JUND: variants seen among roughly 807,000 people sequenced by gnomAD.
JUND encodes transcription factor JunD.
A neutral mutation model predicts 7.1 loss-of-function variants in JUND; 2 were observed. The observed-to-expected ratio is 0.28, with a 90% confidence interval of 0.11 to 0.88. The LOEUF (loss-of-function observed/expected upper bound fraction) is 0.88, where lower values mean the gene tolerates loss of function less well. Ranked by LOEUF, JUND falls within the 40% of genes least tolerant of loss-of-function variation. The pLI is 0.60. For synonymous variants in JUND, 335 were observed against 263.2 expected (o/e 1.27, Z -2.64); for missense variants, 479 against 519.1 (o/e 0.92, Z 0.75).
Position 18,281,184 on chromosome 19 carries a change from G to T in JUND, c.301C>A (p.Pro101Thr). The T allele has an allele frequency of 6.5e-7, 1 of 1,547,010 alleles. No homozygotes were observed. Among genetic ancestry groups the T allele is most frequent in the East Asian group, 2.5e-5 (1 of 40,282 alleles). Residue 101 changes from proline to threonine, a missense_variant, in exon 1 of 1, where the codon CCC becomes ACC. Physicochemically the swap from Pro to Thr is conservative, Grantham distance 38. This residue lies in a region of JUND where 374 missense variants were observed against 365.4 expected (regional missense o/e 1.02). Coordinates refer to ENST00000252818, the MANE Select transcript of JUND (RefSeq NM_005354.6). ...PDLGLLKLAS[P>T]ELERLIIQSN... ...TGGATGATGAGGCGCTCGAGCTCGG[G>T]GGAGGCCAGCTTCAGCAGCCCCAGG...
At position 18,281,514 on chromosome 19, in the gene JUND, G is replaced by T; in HGVS notation, c.-30C>A. The T allele has an allele frequency of 3.3e-6, 4 of 1,208,806 alleles. No individual in the cohort carries two copies. The highest frequency in any genetic ancestry group is 3.1e-5 in the South Asian group (1 of 32,166). The allele number at this position is 1,208,806 out of a possible 1,614,324, so 74.9% of individuals were successfully genotyped here. On this transcript the variant is annotated 5_prime_UTR_variant, in exon 1 of 1. Coordinates refer to ENST00000252818, the MANE Select transcript of JUND (RefSeq NM_005354.6). ...CGCCTCCCCCGCCGCGCCGGCCCGG[G>T]GGGGAGTGGCCGCGGCCTCCCGGGG...
chr19:18,280,589 T>C lies in JUND; in HGVS notation c.896A>G (p.Lys299Arg). The C allele has an allele frequency of 1.2e-6, 2 of 1,613,002 alleles. No individual in the cohort carries two copies. Among genetic ancestry groups the C allele is most frequent in the African/African-American group, 1.3e-5 (1 of 75,050 alleles). The change falls in exon 1 of 1, where the codon AAA becomes AGA. Residue 299 changes from lysine to arginine, a missense_variant. By Grantham distance (26) the Lys-to-Arg change is conservative. Coordinates refer to ENST00000252818, the MANE Select transcript of JUND (RefSeq NM_005354.6). This position sits in a 1 kb window ranked among gnomAD's most constrained non-coding sequence, Gnocchi z 4.1. ...GTTCTGACTCTTGAGGGTCTTCACT[T>C]TCTCTTCCAGGCGCGAGATGCGCTC... ...KLERISRLEEKVKTLKSQNTE... is the reference protein window; with the variant it reads ...KLERISRLEERVKTLKSQNTE...
At position 18,280,459 on chromosome 19, in the gene JUND, G is replaced by A. The variant is rs774719516; in HGVS notation, c.1026C>T (p.His342=). Residue 342 remains histidine (H), a synonymous_variant, in exon 1 of 1, where the codon CAC becomes CAT. Transcript: ENST00000252818. The surrounding 1 kb of genome is among the most constrained non-coding windows in gnomAD (Gnocchi z 4.1). ...CGCGGACTCAGTACGCGGGCACCTG[G>A]TGCTGGGGCAGCAGCTGGCAGCCGC... The part of the protein sequence containing the change: ...VNSGCQLLPQ[H]QVPAY 4 of 1,563,152 alleles carry A rather than the reference G, an allele frequency of 2.6e-6. No individual in the cohort carries two copies. In the African/African-American group the frequency reaches 4.1e-5, roughly 16 times the overall value.
At position 18,280,756 on chromosome 19, in the gene JUND, T is replaced by G; in HGVS notation, c.729A>C (p.Pro243=). Residue 243 remains proline, a synonymous_variant, in exon 1 of 1, where the codon CCA becomes CCC. Coordinates refer to ENST00000252818, the MANE Select transcript of JUND (RefSeq NM_005354.6). This position sits in a 1 kb window ranked among gnomAD's most constrained non-coding sequence, Gnocchi z 4.1. The part of the protein sequence containing the change: ...PPRLAALKDE[P]QTVPDVPSFG... ...AGCTCGGCACGTCGGGCACCGTCTG[T>G]GGCTCGTCCTTGAGCGCAGCCAGGC... 2 of 1,604,872 alleles carry G rather than the reference T, an allele frequency of 1.2e-6. No individual in the cohort carries two copies. The highest frequency in any genetic ancestry group is 2.2e-5 in the South Asian group (2 of 90,818).
Position 18,281,464 on chromosome 19 carries a change from G to C in JUND, c.21C>G (p.Gly7=), listed in dbSNP as rs1236668959. Residue 7 remains glycine, a synonymous_variant, in exon 1 of 1, where the codon GGC becomes GGG. Coordinates refer to ENST00000252818, the MANE Select transcript of JUND (RefSeq NM_005354.6). METPFY[G]DEALSGLGGG... ...CGCCCAGGCCGCTCAGCGCCTCATC[G>C]CCGTAGAAGGGTGTTTCCATCCTCC... The C allele has an allele frequency of 7.4e-7, 1 of 1,357,432 alleles. No homozygotes were observed. The highest frequency in any genetic ancestry group is 1.5e-5 in the African/African-American group (1 of 65,024). The allele number at this position is 1,357,432 out of a possible 1,614,324, so 84.1% of individuals were successfully genotyped here. A position where few individuals can be genotyped will look rare whatever the true frequency, so the allele number is the denominator to read the frequency against.
rs1456994506 is a variant in JUND at position 18,281,395 on chromosome 19, G to A, written c.90C>T (p.Arg30=). The A allele has an allele frequency of 7.4e-7, 1 of 1,348,524 alleles. No homozygotes were observed. Among genetic ancestry groups the A allele is most frequent in the Non-Finnish European group, 9.4e-7 (1 of 1,059,776 alleles). 83.5% of individuals were successfully genotyped at this position (1,348,524 alleles called of 1,614,324 possible). A position where few individuals can be genotyped will look rare whatever the true frequency, so the allele number is the denominator to read the frequency against. ...GSGGSFASPG[R]LFPGAPPTAA... The stretch of plus-strand genomic sequence containing the variant: ...CCGTCGGGGGCGCCCCGGGGAACAA[G>A]CGGCCCGGGGACGCGAAGCTGCCGC... The change falls in exon 1 of 1, where the codon CGC becomes CGT. Residue 30 remains arginine (R), a synonymous_variant. Transcript: ENST00000252818.
Position 18,281,574 on chromosome 19 carries a change from C to T in JUND, c.-90G>A, listed in dbSNP as rs1314464821. ...CCCCCCGTCCGCTCGGCCCTGCGCC[C>T]GCCCCGGCCGCGGCCGCAGCGCCCG... is the stretch of plus-strand genomic sequence containing the variant. On this transcript the variant is annotated 5_prime_UTR_variant, in exon 1 of 1. Transcript: ENST00000252818. 2.3e-5 allele frequency: 9 copies of T among 397,698 alleles called. No individual in the cohort carries two copies. The Admixed American group carries it at 5.3e-4, about 24-fold the overall frequency. 24.6% of individuals were successfully genotyped at this position (397,698 alleles called of 1,614,324 possible). A position where few individuals can be genotyped will look rare whatever the true frequency, so the allele number is the denominator to read the frequency against.
chr19:18,280,109 C>G lies in JUND; in HGVS notation c.*332G>C. 3.3e-6 allele frequency: 1 copy of G among 306,944 alleles called. No homozygotes were observed. Among genetic ancestry groups the G allele is most frequent in the South Asian group, 3.5e-5 (1 of 28,868 alleles). 19.0% of individuals were successfully genotyped at this position (306,944 alleles called of 1,614,324 possible). On this transcript the variant is annotated 3_prime_UTR_variant, in exon 1 of 1. Coordinates refer to ENST00000252818, the MANE Select transcript of JUND (RefSeq NM_005354.6). The surrounding 1 kb of genome is among the most constrained non-coding windows in gnomAD (Gnocchi z 4.1). ...GGCAGGGTTTGAGGCTGCGCCCCCT[C>G]GGAGCCCCCTTCCGCGGCGCGGTGT... is the stretch of plus-strand genomic sequence containing the variant.
chr19:18,280,657 C>T lies in JUND; in HGVS notation c.828G>A (p.Leu276=). 6.2e-7 allele frequency: 1 copy of T among 1,612,578 alleles called. No individual in the cohort carries two copies. Among genetic ancestry groups the T allele is most frequent in the Non-Finnish European group, 8.5e-7 (1 of 1,179,748 alleles). The change falls in exon 1 of 1, where the codon CTG becomes CTA. Residue 276 remains leucine, a synonymous_variant. Transcript: ENST00000252818. This position sits in a 1 kb window ranked among gnomAD's most constrained non-coding sequence, Gnocchi z 4.1. ...QERIKAERKR[L]RNRIAASKCR... The stretch of plus-strand genomic sequence containing the variant: ...ACTTGGAGGCGGCGATGCGGTTGCG[C>T]AGCCGCTTGCGCTCCGCCTTGATGC...
At position 18,280,351 on chromosome 19, in the gene JUND, G is replaced by T; in HGVS notation, c.*90C>A. The T allele has an allele frequency of 7.1e-7, 1 of 1,407,854 alleles. No homozygotes were observed. Among genetic ancestry groups the T allele is most frequent in the Non-Finnish European group, 9.5e-7 (1 of 1,055,030 alleles). The allele number at this position is 1,407,854 out of a possible 1,614,324, so 87.2% of individuals were successfully genotyped here. On this transcript the variant is annotated 3_prime_UTR_variant, in exon 1 of 1. Coordinates refer to ENST00000252818, the MANE Select transcript of JUND (RefSeq NM_005354.6). This position sits in a 1 kb window ranked among gnomAD's most constrained non-coding sequence, Gnocchi z 4.1. ...TCGGGGAGGGGGGGTCCCCAGGGCC[G>T]CACCCTCTCCAAGTCCGGGGCGCCC...
Position 18,281,479 on chromosome 19 carries a change from T to G in JUND, c.6A>C (p.Glu2Asp), listed in dbSNP as rs1969949114. 8.4e-6 allele frequency: 11 copies of G among 1,311,416 alleles called. No homozygotes were observed. Among genetic ancestry groups the G allele is most frequent in the African/African-American group, 1.6e-5 (1 of 64,130 alleles). The allele number at this position is 1,311,416 out of a possible 1,614,324, so 81.2% of individuals were successfully genotyped here. Residue 2 changes from glutamate (E) to aspartate (D), a missense_variant, in exon 1 of 1, where the codon GAA becomes GAC. Physicochemically the swap from Glu to Asp is conservative, Grantham distance 45 (BLOSUM62 2). This residue lies in a region of JUND where 374 missense variants were observed against 365.4 expected (regional missense o/e 1.02). Coordinates refer to ENST00000252818, the MANE Select transcript of JUND (RefSeq NM_005354.6). ...GCGCCTCATCGCCGTAGAAGGGTGT[T>G]TCCATCCTCCGCCTCCCCCGCCGCG... M[E>D]TPFYGDEALS...
Position 18,281,221 on chromosome 19 carries a change from G to T in JUND, c.264C>A (p.Leu88=). 5 of 1,500,390 alleles carry T rather than the reference G, an allele frequency of 3.3e-6. No individual in the cohort carries two copies. Among genetic ancestry groups the T allele is most frequent in the Non-Finnish European group, 4.4e-6 (5 of 1,131,090 alleles). The allele number at this position is 1,500,390 out of a possible 1,614,324, so 92.9% of individuals were successfully genotyped here. A position where few individuals can be genotyped will look rare whatever the true frequency, so the allele number is the denominator to read the frequency against. ...APSAAPPDGL[L]ASPDLGLLKL... ...TCAGCAGCCCCAGGTCGGGAGAGGC[G>T]AGCAGGCCGTCGGGGGGTGCCGCGC... The change falls in exon 1 of 1, where the codon CTC becomes CTA. Residue 88 remains leucine, a synonymous_variant. Coordinates refer to ENST00000252818, the MANE Select transcript of JUND (RefSeq NM_005354.6).
Position 18,279,939 on chromosome 19 carries a change from C to T in JUND, c.*502G>A, listed in dbSNP as rs1260916171. On this transcript the variant is annotated 3_prime_UTR_variant, in exon 1 of 1. Transcript: ENST00000252818. Reference sequence around the variant, plus strand: ...GGCGGAGAATTTTTTTTTCTTCTTCCCATTTCTTTAAAAAACCAACACAAG... The same window carrying T: ...GGCGGAGAATTTTTTTTTCTTCTTCTCATTTCTTTAAAAAACCAACACAAG... The T allele has an allele frequency of 2.6e-5, 4 of 154,912 alleles. No individual in the cohort carries two copies. The highest frequency in any genetic ancestry group is 9.7e-5 in the African/African-American group (4 of 41,348). The allele number at this position is 154,912 out of a possible 1,614,324, so 9.6% of individuals were successfully genotyped here.
Position 18,280,502 on chromosome 19 carries a change from A to T in JUND, c.983T>A (p.Val328Asp), listed in dbSNP as rs2148121343. 6.2e-7 allele frequency: 1 copy of T among 1,600,874 alleles called. No homozygotes were observed. The highest frequency in any genetic ancestry group is 2.3e-5 in the East Asian group (1 of 44,234). Residue 328 changes from valine (V) to aspartate (D), a missense_variant, in exon 1 of 1, where the codon GTC becomes GAC. By Grantham distance (152) the Val-to-Asp change is radical (BLOSUM62 -3). Around this residue, in one of 3 missense-constraint regions of JUND, gnomAD observed 42 missense variants for 37.1 expected, o/e 1.13. Transcript: ENST00000252818. This position sits in a 1 kb window ranked among gnomAD's most constrained non-coding sequence, Gnocchi z 4.1. ...GCAGCCGCTGTTGACGTGGCTGAGG[A>T]CTTTCTGCTTGAGCTGCGCCACCTG... ...REQVAQLKQK[V>D]LSHVNSGCQL...
Position 18,280,958 on chromosome 19 carries a change from G to C in JUND, c.527C>G (p.Ser176Cys), listed in dbSNP as rs1849035090. ...AGGPSGTATG[S>C]APPGELAPAA... is the part of the protein sequence containing the mutation. ...CGGGGCCAGCTCGCCGGGGGGCGCG[G>C]AGCCCGTGGCCGTGCCCGAGGGCCC... The change falls in exon 1 of 1, where the codon TCC becomes TGC. Residue 176 changes from serine to cysteine, a missense_variant. Around this residue, in one of 3 missense-constraint regions of JUND, gnomAD observed 374 missense variants for 365.4 expected, o/e 1.02. Coordinates refer to ENST00000252818, the MANE Select transcript of JUND (RefSeq NM_005354.6). The surrounding 1 kb of genome is among the most constrained non-coding windows in gnomAD (Gnocchi z 4.1). The C allele has an allele frequency of 9.5e-7, 1 of 1,055,198 alleles. No homozygotes were observed. The highest frequency in any genetic ancestry group is 4.4e-5 in the South Asian group (1 of 22,802). The allele number at this position is 1,055,198 out of a possible 1,614,324, so 65.4% of individuals were successfully genotyped here.
At position 18,281,493 on chromosome 19, in the gene JUND, T is replaced by A. The variant is rs1031082097; in HGVS notation, c.-9A>T. On this transcript the variant is annotated 5_prime_UTR_variant, in exon 1 of 1. Coordinates refer to ENST00000252818, the MANE Select transcript of JUND (RefSeq NM_005354.6). ...TAGAAGGGTGTTTCCATCCTCCGCC[T>A]CCCCCGCCGCGCCGGCCCGGGGGGG... is the stretch of plus-strand genomic sequence containing the variant. 1.6e-6 allele frequency: 2 copies of A among 1,269,974 alleles called. No homozygotes were observed. The highest frequency in any genetic ancestry group is 2.0e-6 in the Non-Finnish European group (2 of 1,010,676). The allele number at this position is 1,269,974 out of a possible 1,614,324, so 78.7% of individuals were successfully genotyped here. A position where few individuals can be genotyped will look rare whatever the true frequency, so the allele number is the denominator to read the frequency against.
At position 18,280,387 on chromosome 19, in the gene JUND, C is replaced by T. The variant is rs1000352178; in HGVS notation, c.*54G>A. The T allele has an allele frequency of 6.6e-7, 1 of 1,521,624 alleles. No homozygotes were observed. 94.3% of individuals were successfully genotyped at this position (1,521,624 alleles called of 1,614,324 possible). A position where few individuals can be genotyped will look rare whatever the true frequency, so the allele number is the denominator to read the frequency against. On this transcript the variant is annotated 3_prime_UTR_variant, in exon 1 of 1. Transcript: ENST00000252818. This position sits in a 1 kb window ranked among gnomAD's most constrained non-coding sequence, Gnocchi z 4.1. The stretch of plus-strand genomic sequence containing the variant: ...AAGTCCGGGGCGCCCACGACACCCC[C>T]CCGCGAGCCCGCCCCTTGGGGAGGG...
At position 18,280,055 on chromosome 19, in the gene JUND, A is replaced by G. The variant is rs9413; in HGVS notation, c.*386T>C. On this transcript the variant is annotated 3_prime_UTR_variant, in exon 1 of 1. Coordinates refer to ENST00000252818, the MANE Select transcript of JUND (RefSeq NM_005354.6). This position sits in a 1 kb window ranked among gnomAD's most constrained non-coding sequence, Gnocchi z 4.1. ...ACTCTGTTCTTCTCTCTTCCAAAGAAAAAAAAAAAAAAGTAAAAGTAAAGG... is the reference window on the plus strand; with the variant it reads ...ACTCTGTTCTTCTCTCTTCCAAAGAGAAAAAAAAAAAAGTAAAAGTAAAGG... 1,259 of 201,130 alleles carry G rather than the reference A, an allele frequency of 6.3e-3. No individual in the cohort carries two copies. Among genetic ancestry groups the G allele is most frequent in the South Asian group, 8.8e-3 (142 of 16,072 alleles). The allele number at this position is 201,130 out of a possible 1,614,324, so 12.5% of individuals were successfully genotyped here.
chr19:18,279,744 A>C lies in JUND; in HGVS notation c.*697T>G, dbSNP rs972193385. 3 of 152,716 alleles carry C rather than the reference A, an allele frequency of 2.0e-5. No homozygotes were observed. The highest frequency in any genetic ancestry group is 7.2e-5 in the African/African-American group (3 of 41,458). The allele number at this position is 152,716 out of a possible 1,614,324, so 9.5% of individuals were successfully genotyped here. A position where few individuals can be genotyped will look rare whatever the true frequency, so the allele number is the denominator to read the frequency against. On this transcript the variant is annotated 3_prime_UTR_variant, in exon 1 of 1. Transcript: ENST00000252818. The stretch of plus-strand genomic sequence containing the variant: ...GCCAGGCCCCGGCGGGGGAAGAAGG[A>C]GGCGGAGAGCCGAGCTGGCGTAACG...
Sources: gnomAD v4.1 joint callset for allele counts on GRCh38, gnomAD v4.1.1 for gene constraint, gnomAD v4.1.1 regional missense constraint, Gnocchi (gnomAD v3.1) non-coding constraint, MANE v1.5 for transcripts, NCBI Gene and HGNC (gene_info 2026-07-23, HGNC 2026-07-21) for gene names.